Variants in EYA1 observed in about 807,000 individuals in gnomAD.
The protein encoded by EYA1 is protein phosphatase EYA1.
A neutral mutation model predicts 82.0 loss-of-function variants in EYA1; 16 were observed. The ratio of observed to expected loss-of-function variants is 0.20; its 90% CI spans 0.13 to 0.30. The LOEUF (loss-of-function observed/expected upper bound fraction) is 0.30. EYA1 is among the 10% of genes least tolerant of loss of function. The pLI is 1.00. For missense variants in EYA1, 633 were observed against 730.7 expected, an observed-to-expected ratio of 0.87 and a Z score of 1.54; for synonymous variants, 261 against 264.4, an observed-to-expected ratio of 0.99 and a Z score of 0.12.
rs570266832 is a variant in EYA1 at position 71,321,939 on chromosome 8, C to T, written c.273-60G>A. On this transcript the variant is annotated intron_variant, in intron 5 of 17. Coordinates refer to ENST00000340726, the MANE Select transcript of EYA1 (RefSeq NM_000503.6). The stretch of plus-strand genomic sequence containing the variant: ...ATGCATTAGATGGAAACATGCAAAC[C>T]GATTAACAACCACATCACAAATTCC... The T allele has an allele frequency of 1.7e-5, 27 of 1,597,754 alleles. No homozygotes were observed. In the Admixed American group the frequency reaches 1.8e-4, roughly 11 times the overall value.
intron 2 of EYA1, among the ~76,000 whole-genome samples, chr8:71,444,133 G>A (rs1469556406): frequency 3.3e-5 from 5 of 152,190 alleles, no homozygotes; most frequent in African/African-American, 4.8e-5. Context: ...CCTATGCACA[G>A]ATAACCTCTA....
Position 71,334,111 on chromosome 8 carries a change from T to A in EYA1, c.188A>T (p.Asn63Ile). The A allele has an allele frequency of 1.2e-6, 2 of 1,613,202 alleles. No individual in the cohort carries two copies. The highest frequency in any genetic ancestry group is 8.5e-7 in the Non-Finnish European group (1 of 1,179,254). The change falls in exon 4 of 18, where the codon AAT becomes ATT. Residue 63 changes from asparagine to isoleucine, a missense_variant. By Grantham distance (149) the Asn-to-Ile change is moderately radical (BLOSUM62 -3). Coordinates refer to ENST00000340726, the MANE Select transcript of EYA1 (RefSeq NM_000503.6). Reference protein sequence around the residue: ...ASTTADGSLNNFSGSAIGSSS... With the variant: ...ASTTADGSLNIFSGSAIGSSS... ...TTATTCCTTACCTGAACCTGAGAAA[T>A]TGTTTAAAGACCCGTCGGCTGTCGT... is the stretch of plus-strand genomic sequence containing the variant.
At chr8:71,441,245 A>T (rs972590521) in intron 2 of EYA1, among the ~76,000 whole-genome samples, 1 of 152,168 alleles carries the variant, frequency 6.6e-6, no homozygotes, top group Non-Finnish European at 1.5e-5. Context: ...TAAATAAGAC[A>T]ATTAAAACCA....
At chr8:71,272,393 C>T (rs1816653105) in intron 9 of EYA1, among the ~76,000 whole-genome samples, 1 of 151,488 alleles carries the variant, frequency 6.6e-6, no homozygotes, top group Non-Finnish European at 1.5e-5. Context: ...ATTTTACATT[C>T]CCCATTTTCT....
In EYA1 at chr8:71,417,591, T is replaced by C. The variant is rs202204807; in HGVS notation, c.34-61080A>G. ...ATGAATAAAGCTCCTATTTACATTA[T>C]AAAAAACACAGAAAAACACAGAAAT... is the stretch of plus-strand genomic sequence containing the variant. On this transcript the variant is annotated intron_variant, in intron 2 of 18. Coordinates refer to the EYA1 transcript ENST00000643681. 2.6e-5 allele frequency among the ~76,000 whole-genome samples: 4 copies of C among 152,314 alleles called. No homozygotes were observed. In the East Asian group the frequency reaches 7.7e-4, roughly 29 times the overall value.
At chr8:71,467,501 T>C (rs995330613) in intron 2 of EYA1, among the ~76,000 whole-genome samples, 1 of 152,218 alleles carries the variant, frequency 6.6e-6, no homozygotes, top group East Asian at 1.9e-4. Context: ...AAACAAGTTA[T>C]GAGCTATTTC....
chr8:71,199,280 G>T lies in EYA1; in HGVS notation c.*60C>A. ...AGGCCGGCGCTGATGCGAGACTGGG[G>T]CCTGCTGGATCTGTCCCTGGTCACA... On this transcript the variant is annotated 3_prime_UTR_variant, in exon 18 of 18. Coordinates refer to ENST00000340726, the MANE Select transcript of EYA1 (RefSeq NM_000503.6). The T allele has an allele frequency of 8.0e-7, 1 of 1,255,672 alleles. No homozygotes were observed. The allele number at this position is 1,255,672 out of a possible 1,614,324, so 77.8% of individuals were successfully genotyped here. A position where few individuals can be genotyped will look rare whatever the true frequency, so the allele number is the denominator to read the frequency against.
intron 2 of EYA1, among the ~76,000 whole-genome samples, chr8:71,412,285 C>A (rs1027099834): frequency 2.1e-5 from 3 of 144,138 alleles, no homozygotes; most frequent in African/African-American, 7.7e-5. Flanking sequence ...TGCTAGATGA[C>A]GAGTTAGTGG....
chr8:71,473,573 G>C (rs1809407105), intron 2 of EYA1, among the ~76,000 whole-genome samples: 1 of 152,158 alleles, frequency 6.6e-6, no homozygotes, highest in South Asian at 2.1e-4. Flanking sequence ...AGGATGTGGA[G>C]AAATGGGAAC....
intron 2 of EYA1, among the ~76,000 whole-genome samples, chr8:71,385,626 T>C (rs1221560511): frequency 6.6e-6 from 1 of 152,124 alleles, no homozygotes; most frequent in African/African-American, 2.4e-5. Flanking sequence ...GTTCTACAGA[T>C]GAAGAAATTG....
At chr8:71,342,723 A>G (rs1825280839) in intron 3 of EYA1, among the ~76,000 whole-genome samples, 1 of 152,218 alleles carries the variant, frequency 6.6e-6, no homozygotes, top group Non-Finnish European at 1.5e-5. Flanking sequence ...CTCACCCTAC[A>G]GACAAACCTT....
At chr8:71,236,695 C>A (rs1438204629) in intron 12 of EYA1, among the ~76,000 whole-genome samples, 1 of 152,078 alleles carries the variant, frequency 6.6e-6, no homozygotes, top group Non-Finnish European at 1.5e-5. Flanking sequence ...CTTCACCTGG[C>A]TCCTCCATAA....
chr8:71,479,500 A>T (rs1166227089), intron 2 of EYA1, among the ~76,000 whole-genome samples: 1 of 151,822 alleles, frequency 6.6e-6, no homozygotes, highest in African/African-American at 2.4e-5. Flanking sequence ...GCCATGGGGG[A>T]GGAATTTATT....
At chr8:71,300,090 G>A (rs1439175864) in intron 7 of EYA1, among the ~76,000 whole-genome samples, 1 of 152,024 alleles carries the variant, frequency 6.6e-6, no homozygotes, top group Non-Finnish European at 1.5e-5. Context: ...GATCTTTAAG[G>A]TTCTTGCTAG....
At chr8:71,393,257 G>T (rs1829381775) in intron 2 of EYA1, among the ~76,000 whole-genome samples, 1 of 151,812 alleles carries the variant, frequency 6.6e-6, no homozygotes. Flanking sequence ...GATTCTATCT[G>T]TATTATTTCT....
chr8:71,215,656 C>G lies in EYA1; in HGVS notation c.1433G>C (p.Trp478Ser). ...RAEIEALTDS[W>S]LTLALKALSL... is the part of the protein sequence containing the mutation. ...GAGTGCTTTCAGGGCCAGTGTCAAC[C>G]AGGAGTCGGTCAGGGCTTCAATTTC... The change falls in exon 15 of 18, where the codon TGG becomes TCG. Residue 478 changes from tryptophan to serine, a missense_variant. Trp to Ser is a radical substitution (Grantham distance 177). Coordinates refer to ENST00000340726, the MANE Select transcript of EYA1 (RefSeq NM_000503.6). The G allele has an allele frequency of 6.2e-7, 1 of 1,614,170 alleles. No individual in the cohort carries two copies. Among genetic ancestry groups the G allele is most frequent in the Non-Finnish European group, 8.5e-7 (1 of 1,180,022 alleles).
chr8:71,214,865 TCTAA>T (rs778882864), intron 16 of EYA1, among the ~76,000 whole-genome samples: 2 of 152,224 alleles, frequency 1.3e-5, no homozygotes, highest in African/African-American at 4.8e-5. Context: ...TGATTTATAT[TCTAA>T]CTAAATTTCA....
At chr8:71,478,203 T>C (rs1204698858) in intron 2 of EYA1, among the ~76,000 whole-genome samples, 2 of 152,116 alleles carry the variant, frequency 1.3e-5, no homozygotes, top group East Asian at 3.9e-4. Flanking sequence ...TCAGTAAAGC[T>C]AACACGAGGG....
intron 2 of EYA1, among the ~76,000 whole-genome samples, chr8:71,436,312 A>G (rs527375090): frequency 6.6e-6 from 1 of 152,270 alleles, no homozygotes; most frequent in African/African-American, 2.4e-5. Context: ...GAATTGTTTC[A>G]AATAACCCAT....
Sources: allele counts gnomAD v4.1 joint callset (sites outside exome capture counted in the v4.1 genomes callset), GRCh38; gene constraint gnomAD v4.1.1; transcripts MANE v1.5; gene names NCBI Gene and HGNC (gene_info 2026-07-23, HGNC 2026-07-21).